The following CNTNAP2 variants were observed in gnomAD, a reference collection of about 807,000 sequenced individuals.
CNTNAP2 encodes the protein contactin-associated protein-like 2.
CNTNAP2 carries 98 observed loss-of-function variants against 155.2 expected under a neutral mutation model. The ratio of observed to expected loss-of-function variants is 0.63; its 90% CI spans 0.54 to 0.75. The LOEUF (loss-of-function observed/expected upper bound fraction) is 0.75. Among genes scored for constraint, CNTNAP2 ranks in the 30% least tolerant of loss-of-function variants. The pLI, the probability that CNTNAP2 is intolerant of heterozygous loss-of-function variation, is 0.00. For missense variants in CNTNAP2, 1,727 were observed against 1,688.1 expected (o/e 1.02, Z -0.40); for synonymous variants, 651 against 631.2 (o/e 1.03, Z -0.47).
chr7:147,376,782 A>G (rs1169691227), intron 9 of CNTNAP2, among the ~76,000 whole-genome samples: 1 of 152,010 alleles, frequency 6.6e-6, no homozygotes, highest in Non-Finnish European at 1.5e-5. Context: ...GGCAATAAAT[A>G]GGATCAAATT....
intron 15 of CNTNAP2, among the ~76,000 whole-genome samples, chr7:147,984,728 AC>A (rs1563157728): frequency 6.6e-6 from 1 of 152,038 alleles, no homozygotes; most frequent in Non-Finnish European, 1.5e-5. Context: ...ATGATTTCTC[AC>A]CCCCCAAAGG....
chr7:146,683,398 C>T (rs1223130810), intron 1 of CNTNAP2, among the ~76,000 whole-genome samples: 4 of 152,068 alleles, frequency 2.6e-5, no homozygotes, highest in Non-Finnish European at 5.9e-5. Flanking sequence ...TTAATATTTT[C>T]CTCAATAAAA....
chr7:146,552,669 A>T (rs1278006190), intron 1 of CNTNAP2, among the ~76,000 whole-genome samples: 1 of 151,914 alleles, frequency 6.6e-6, no homozygotes, highest in Non-Finnish European at 1.5e-5. Context: ...AATCAAATGC[A>T]CTTATTGTAA....
At chr7:148,293,045 G>C (rs1366710300) in intron 21 of CNTNAP2, among the ~76,000 whole-genome samples, 2 of 151,082 alleles carry the variant, frequency 1.3e-5, no homozygotes, top group Admixed American at 1.3e-4. Context: ...GCACAGCGCA[G>C]TTGTATAGAC....
intron 13 of CNTNAP2, among the ~76,000 whole-genome samples, chr7:147,894,869 C>T (rs1334357496): frequency 1.3e-5 from 2 of 151,406 alleles, no homozygotes; most frequent in African/African-American, 4.9e-5. Context: ...CCCAAGCATT[C>T]GCCCTTGTGC....
At chr7:148,302,502 G>A (rs1216695384) in intron 21 of CNTNAP2, among the ~76,000 whole-genome samples, 2 of 152,084 alleles carry the variant, frequency 1.3e-5, no homozygotes, top group African/African-American at 4.8e-5. Flanking sequence ...CCTATGCCAT[G>A]TGATGTGGTT....
At chr7:146,356,410 G>A (rs866291868) in intron 1 of CNTNAP2, among the ~76,000 whole-genome samples, 1 of 152,030 alleles carries the variant, frequency 6.6e-6, no homozygotes, top group Non-Finnish European at 1.5e-5. Flanking sequence ...AGGTTTAACC[G>A]AACATAGCCT....
At chr7:147,365,401 A>AAAAAAAAC (rs1563176850) in intron 9 of CNTNAP2, among the ~76,000 whole-genome samples, 34 of 150,930 alleles carry the variant, frequency 2.3e-4, no homozygotes, top group African/African-American at 7.8e-4. Context: ...AAAAAAAAAA[A>AAAAAAAAC]AAAAAAACAA....
chr7:147,053,712 A>G (rs1460524980), intron 4 of CNTNAP2, among the ~76,000 whole-genome samples: 2 of 152,178 alleles, frequency 1.3e-5, no homozygotes, highest in Non-Finnish European at 2.9e-5. Flanking sequence ...AACTTTTATT[A>G]TACATATTAG....
chr7:147,925,498 G>A (rs1054756267), intron 14 of CNTNAP2, among the ~76,000 whole-genome samples: 7 of 151,600 alleles, frequency 4.6e-5, no homozygotes, highest in South Asian at 2.1e-4. Flanking sequence ...ACGGAGTCTC[G>A]CTCTGTCGCC....
chr7:146,894,648 T>C (rs1795840864), intron 3 of CNTNAP2, among the ~76,000 whole-genome samples: 1 of 152,184 alleles, frequency 6.6e-6, no homozygotes, highest in Non-Finnish European at 1.5e-5. Context: ...TTTTGCCTTT[T>C]GGTCTGCATT....
chr7:147,285,675 C>T (rs138788785), intron 8 of CNTNAP2, among the ~76,000 whole-genome samples: 9 of 151,946 alleles, frequency 5.9e-5, no homozygotes, highest in Non-Finnish European at 1.2e-4. Flanking sequence ...TACATAATTT[C>T]TTCCTTAATA....
At chr7:146,899,883 T>C (rs1040161777) in intron 3 of CNTNAP2, among the ~76,000 whole-genome samples, 7 of 152,170 alleles carry the variant, frequency 4.6e-5, no homozygotes, top group African/African-American at 1.7e-4. Context: ...TGGCCCTGTT[T>C]ATGGGAGCTT....
rs577764548 is a variant in CNTNAP2, at chr7:147,130,405, T to C, written c.1083+1569T>C. 7.9e-5 allele frequency among the ~76,000 whole-genome samples: 12 copies of C among 152,192 alleles called. No homozygotes were observed. The East Asian group carries it at 2.1e-3, about 27-fold the overall frequency. ...AGTTTGAGGCTGCAGTGAGCCATGATTGAACTACTGCATTCCAGCCTGGGC... is the reference window on the plus strand; with the variant it reads ...AGTTTGAGGCTGCAGTGAGCCATGACTGAACTACTGCATTCCAGCCTGGGC... On this transcript the variant is annotated intron_variant, in intron 7 of 23. Coordinates refer to ENST00000361727, the MANE Select transcript of CNTNAP2 (RefSeq NM_014141.6).
At chr7:148,122,458 G>A (rs951841331) in intron 16 of CNTNAP2, among the ~76,000 whole-genome samples, 2 of 152,162 alleles carry the variant, frequency 1.3e-5, no homozygotes, top group African/African-American at 2.4e-5. Flanking sequence ...AGGGAAAAAA[G>A]GAAGTTTCAG....
chr7:146,193,379 A>G (rs771011656), intron 1 of CNTNAP2, among the ~76,000 whole-genome samples: 2 of 152,192 alleles, frequency 1.3e-5, no homozygotes, highest in Admixed American at 6.5e-5. Context: ...CTGGACATGC[A>G]AGGGTTTCCA....
chr7:146,675,334 TA>T (rs764770696), intron 1 of CNTNAP2, among the ~76,000 whole-genome samples: 2 of 152,276 alleles, frequency 1.3e-5, no homozygotes, highest in African/African-American at 2.4e-5. Flanking sequence ...ATACATTTAC[TA>T]AAAAAACCTG....
At chr7:147,398,589 C>CTTTTTTTTTTTTTTT (rs58507416) in intron 10 of CNTNAP2, among the ~76,000 whole-genome samples, 1 of 87,720 alleles carries the variant, frequency 1.1e-5, no homozygotes, top group Non-Finnish European at 2.2e-5. Context: ...ACGATTTGAA[C>CTTTTTTTTTTTTTTT]TTTTTTTTTT....
chr7:148,097,390 A>G (rs1448011765), intron 15 of CNTNAP2, among the ~76,000 whole-genome samples: 1 of 151,594 alleles, frequency 6.6e-6, no homozygotes, highest in African/African-American at 2.4e-5. Flanking sequence ...AAAAATAAAA[A>G]AATTAAATAG....
Sources: allele counts gnomAD v4.1 joint callset (sites outside exome capture counted in the v4.1 genomes callset), GRCh38; gene constraint gnomAD v4.1.1; transcripts MANE v1.5; gene names NCBI Gene and HGNC (gene_info 2026-07-23, HGNC 2026-07-21).